Variants in PTCHD4 observed in about 807,000 individuals in gnomAD.
The protein encoded by PTCHD4 is patched domain-containing protein 4.
A neutral mutation model predicts 58.1 loss-of-function variants in PTCHD4; 33 were observed. The observed-to-expected ratio is 0.57, with a 90% confidence interval of 0.43 to 0.76. The LOEUF (loss-of-function observed/expected upper bound fraction) is 0.76, where lower values mean the gene tolerates loss of function less well. Among genes scored for constraint, PTCHD4 ranks in the 30% least tolerant of loss-of-function variants. PTCHD4 has a pLI of 0.00. For synonymous variants in PTCHD4, 478 were observed against 409.6 expected (o/e 1.17, Z -2.02); for missense variants, 1,058 against 1,027.1 (o/e 1.03, Z -0.41).
chr6:47,928,072 AC>A (rs1765685877), intron 4 of PTCHD4, among the ~76,000 whole-genome samples: 1 of 152,060 alleles, frequency 6.6e-6, no homozygotes, highest in Non-Finnish European at 1.5e-5. Flanking sequence ...CCATATAAAC[AC>A]CTTGTGGCCC....
intron 4 of PTCHD4, among the ~76,000 whole-genome samples, chr6:47,902,712 C>G (rs1764750951): frequency 6.6e-6 from 1 of 152,110 alleles, no homozygotes; most frequent in Non-Finnish European, 1.5e-5. Flanking sequence ...ACGTTCTAAT[C>G]TTTCTTTTTC....
At chr6:47,999,016 A>G (rs558155055) in intron 4 of PTCHD4, among the ~76,000 whole-genome samples, 4 of 152,344 alleles carry the variant, frequency 2.6e-5, no homozygotes, top group South Asian at 4.1e-4. Context: ...AATGTTGACT[A>G]TGGGTACTTT....
At position 48,069,202 on chromosome 6, in the gene PTCHD4, G is replaced by GGT. The variant is rs1764922434; in HGVS notation, c.-246_-245insAC. ...GGCGGGAGCACGTTGGGGGTGGGGG[G>GGT]GCAGATAAGCTTTTTTCTTTTTTTA... On this transcript the variant is annotated 5_prime_UTR_variant, in exon 2 of 5. An upstream open reading frame in the 5' UTR loses its in-frame stop. Coordinates refer to ENST00000339488, the MANE Select transcript of PTCHD4 (RefSeq NM_001384253.1). 1.5e-5 allele frequency among the ~76,000 whole-genome samples: 2 copies of GGT among 132,862 alleles called. No homozygotes were observed. Among genetic ancestry groups the GGT allele is most frequent in the Admixed American group, 7.5e-5 (1 of 13,382 alleles). 87.2% of individuals were successfully genotyped at this position (132,862 alleles called of 152,430 possible). A position where few individuals can be genotyped will look rare whatever the true frequency, so the allele number is the denominator to read the frequency against.
Position 47,879,053 on chromosome 6 carries a change from T to C in PTCHD4, c.1782A>G (p.Ala594=). 1 of 1,613,564 alleles carries C rather than the reference T, an allele frequency of 6.2e-7. No homozygotes were observed. The highest frequency in any genetic ancestry group is 8.5e-7 in the Non-Finnish European group (1 of 1,179,750). The change falls in exon 5 of 5, where the codon GCA becomes GCG. Residue 594 remains alanine (A), a synonymous_variant. Transcript: ENST00000339488. ...AAGCAATGATATTGCTTTCATCCCC[T>C]GCCTTGGAGAAGATGATATCATTTC... is the stretch of plus-strand genomic sequence containing the variant. ...HFRNDIIFSK[A]GDESNIIASR...
At chr6:48,079,117 C>CAAAAA (rs398001467) in intron 1 of PTCHD4, among the ~76,000 whole-genome samples, 8 of 73,122 alleles carry the variant, frequency 1.1e-4, no homozygotes, top group African/African-American at 1.9e-4. Context: ...AATTCCATCA[C>CAAAAA]AAAAAAAAAA....
In PTCHD4 at chr6:48,085,703, A is replaced by C. The variant is rs146707234; in HGVS notation, c.-969-15777T>G. On this transcript the variant is annotated intron_variant, in intron 1 of 4. Transcript: ENST00000339488. ...GCAAAAGGATTTCCTTGCTTGGCTG[A>C]TAAGTGAGCTGCTGAGAAATTTAGT... Among the ~76,000 whole-genome samples the C allele has an allele frequency of 6.5e-4, 99 of 152,328 alleles. 2 individuals carry two copies. The East Asian group carries it at 0.018, about 28-fold the overall frequency.
intron 1 of PTCHD4, among the ~76,000 whole-genome samples, chr6:48,110,409 T>G (rs1484585028): frequency 2.0e-5 from 3 of 151,964 alleles, no homozygotes; most frequent in Non-Finnish European, 4.4e-5. Flanking sequence ...TACACACAGA[T>G]TTTTTTAAAA....
chr6:47,914,870 G>A (rs12202141), intron 4 of PTCHD4, among the ~76,000 whole-genome samples: 7,283 of 151,832 alleles, frequency 0.048, 218 homozygotes, highest in Middle Eastern at 0.13. Context: ...AAAGAAAGAA[G>A]AAATAAAAGA....
intron 4 of PTCHD4, among the ~76,000 whole-genome samples, chr6:47,968,466 T>G (rs527706265): frequency 6.6e-6 from 1 of 152,180 alleles, no homozygotes; most frequent in Admixed American, 6.5e-5. Flanking sequence ...AAAATGGCAC[T>G]GATATACTTG....
chr6:48,009,426 A>G (rs1356518778), intron 3 of PTCHD4, among the ~76,000 whole-genome samples: 1 of 152,230 alleles, frequency 6.6e-6, no homozygotes, highest in Admixed American at 6.5e-5. Context: ...TCCTTTTGTA[A>G]CAATCCATTA....
rs1037980797 is a variant in PTCHD4, at chr6:48,106,701, C to T, written c.-970+4348G>A. Among the ~76,000 whole-genome samples the T allele has an allele frequency of 4.6e-5, 7 of 152,154 alleles. No individual in the cohort carries two copies. The East Asian group carries it at 5.8e-4, about 13-fold the overall frequency. On this transcript the variant is annotated intron_variant, in intron 1 of 4. Transcript: ENST00000339488. ...ATGACATGATTGAATGTCTAGAAAA[C>T]CCCATTGTCTCAGCCCAAAATCTCC...
chr6:48,016,703 T>C (rs1441554597), intron 3 of PTCHD4, among the ~76,000 whole-genome samples: 1 of 151,954 alleles, frequency 6.6e-6, no homozygotes, highest in African/African-American at 2.4e-5. Flanking sequence ...TAAAAATTAC[T>C]CCCACTCAAT....
chr6:47,969,912 G>A (rs1767439140), intron 4 of PTCHD4, among the ~76,000 whole-genome samples: 1 of 152,074 alleles, frequency 6.6e-6, no homozygotes, highest in South Asian at 2.1e-4. Context: ...ATAATAAACT[G>A]TGAATCAAAT....
intron 4 of PTCHD4, among the ~76,000 whole-genome samples, chr6:47,980,053 A>T (rs1444443016): frequency 1.3e-5 from 2 of 152,246 alleles, no homozygotes; most frequent in East Asian, 3.9e-4. Flanking sequence ...TGACACCTCT[A>T]GGACTTGACA....
At chr6:48,049,714 T>C (rs563161448) in intron 3 of PTCHD4, among the ~76,000 whole-genome samples, 2 of 151,996 alleles carry the variant, frequency 1.3e-5, no homozygotes, top group African/African-American at 2.4e-5. Flanking sequence ...AGACTCTCTG[T>C]ATATATGTGA....
chr6:48,024,355 G>T (rs181278187), intron 3 of PTCHD4, among the ~76,000 whole-genome samples: 66 of 152,216 alleles, frequency 4.3e-4, no homozygotes, highest in African/African-American at 1.6e-3. Context: ...GATTCCAACT[G>T]TGTCTGTTCC....
At chr6:48,093,366 A>G (rs933692517) in intron 1 of PTCHD4, among the ~76,000 whole-genome samples, 4 of 152,132 alleles carry the variant, frequency 2.6e-5, no homozygotes, top group Admixed American at 6.6e-5. Flanking sequence ...CAAGCCATAG[A>G]ATGCATTTTA....
chr6:47,881,830 T>C (rs1199776301), intron 4 of PTCHD4, among the ~76,000 whole-genome samples: 1 of 152,142 alleles, frequency 6.6e-6, no homozygotes, highest in Non-Finnish European at 1.5e-5. Context: ...ATGTAAAGCC[T>C]ATTTATTCTT....
chr6:47,920,058 T>C (rs993946399), intron 4 of PTCHD4, among the ~76,000 whole-genome samples: 2 of 152,108 alleles, frequency 1.3e-5, no homozygotes, highest in Non-Finnish European at 2.9e-5. Context: ...GAGCAGAGCC[T>C]CCCTGTTAGA....
Sources: allele counts gnomAD v4.1 joint callset (sites outside exome capture counted in the v4.1 genomes callset), GRCh38; gene constraint gnomAD v4.1.1; transcripts MANE v1.5; gene names NCBI Gene and HGNC (gene_info 2026-07-23, HGNC 2026-07-21).